The following MASP2 variants were observed in gnomAD, a reference collection of about 807,000 sequenced individuals.
MASP2 encodes the protein MBL associated serine protease 2.
Under a neutral mutation model 57.1 loss-of-function variants are expected in MASP2, and 49 were observed. The ratio of observed to expected loss-of-function variants is 0.86; its 90% CI spans 0.68 to 1.09. The LOEUF is 1.09. Ranked by LOEUF, MASP2 falls within the 50% of genes least tolerant of loss-of-function variation. The pLI, the probability that MASP2 is intolerant of heterozygous loss-of-function variation, is 0.00. For synonymous variants in MASP2, 379 were observed against 340.8 expected, an observed-to-expected ratio of 1.11 and a Z score of -1.24; for missense variants, 900 against 874.8, an observed-to-expected ratio of 1.03 and a Z score of -0.36.
chr1:11,039,132 CCT>C (rs1638336833), intron 6 of MASP2, among the ~76,000 whole-genome samples: 1 of 152,222 alleles, frequency 6.6e-6, no homozygotes, highest in African/African-American at 2.4e-5. Flanking sequence ...GCTCCTAGCC[CCT>C]GTCTGGTGAG....
intron 10 of MASP2, 62 bp downstream of exon 10, chr1:11,030,114 T>G: frequency 2.4e-6 from 3 of 1,225,858 alleles, no homozygotes. Flanking sequence ...CTCTCCTCAC[T>G]GTCTCCTACC....
chr1:11,035,388 A>C (rs1261128004), intron 7 of MASP2, among the ~76,000 whole-genome samples: 1 of 151,874 alleles, frequency 6.6e-6, no homozygotes, highest in African/African-American at 2.4e-5. Context: ...TTAGCCTGGC[A>C]TGGTGGCGTG....
rs1160479045 is a variant in MASP2, at chr1:11,028,662, A to AC, written c.1298-1015dup. 2.0e-5 allele frequency among the ~76,000 whole-genome samples: 3 copies of AC among 152,116 alleles called. No individual in the cohort carries two copies. In the East Asian group the frequency reaches 5.8e-4, roughly 29 times the overall value. ...TAAAAAAACTAATTTGAGCCAAATAACACAAGGGTAATTAATATATTACTA... is the reference window on the plus strand; with the variant it reads ...TAAAAAAACTAATTTGAGCCAAATAACCACAAGGGTAATTAATATATTACTA... On this transcript the variant is annotated intron_variant, in intron 10 of 10. Coordinates refer to ENST00000400897, the MANE Select transcript of MASP2 (RefSeq NM_006610.4).
intron 4 of MASP2, 99 bp downstream of exon 4, chr1:11,045,309 G>T (rs1219592150): frequency 6.4e-7 from 1 of 1,567,178 alleles, no homozygotes; most frequent in Non-Finnish European, 8.7e-7. Context: ...AGTGTCCAGG[G>T]CCCAGGCCCT....
At chr1:11,041,050 T>C (rs1293320277) in intron 6 of MASP2, among the ~76,000 whole-genome samples, 1 of 117,380 alleles carries the variant, frequency 8.5e-6, no homozygotes, top group East Asian at 2.7e-4. Flanking sequence ...TAGATGAATA[T>C]AAGGATGGGT....
chr1:11,035,991 G>T (rs1320569953), intron 7 of MASP2, among the ~76,000 whole-genome samples: 2 of 152,048 alleles, frequency 1.3e-5, no homozygotes, highest in African/African-American at 4.8e-5. Context: ...TATCTGTCTA[G>T]CTGGTGGCCA....
At chr1:11,031,465 C>G (rs544244399) in intron 8 of MASP2, among the ~76,000 whole-genome samples, 12 of 131,216 alleles carry the variant, frequency 9.1e-5, no homozygotes, top group African/African-American at 2.3e-4. Flanking sequence ...GGAGGCGGAG[C>G]TTGCAGAGAG....
At chr1:11,042,477 A>T (rs1227895691) in intron 6 of MASP2, among the ~76,000 whole-genome samples, 1 of 148,768 alleles carries the variant, frequency 6.7e-6, no homozygotes, top group Non-Finnish European at 1.5e-5. Context: ...AGGATGGCTG[A>T]ATAGAAGGAT....
At position 11,034,886 on chromosome 1, in the gene MASP2, G is replaced by A. The variant is rs758339774; in HGVS notation, c.1029C>T (p.Ser343=). 2.5e-6 allele frequency: 4 copies of A among 1,612,332 alleles called. No individual in the cohort carries two copies. The Admixed American group carries it at 5.0e-5, about 20-fold the overall frequency. The change falls in exon 8 of 11, where the codon TCC becomes TCT. Residue 343 remains serine, a synonymous_variant. Transcript: ENST00000400897. ...CATCTTTCTGACAAACTGCAGTAAA[G>A]GATTTCAGGGGCAAGTGACCCTAAA... ...ELLQGHLPLK[S]FTAVCQKDGS...
intron 1 of MASP2, 36 bp downstream of exon 1, chr1:11,047,167 C>T (rs1332991697): frequency 1.3e-6 from 2 of 1,556,502 alleles, no homozygotes; most frequent in African/African-American, 2.7e-5. Context: ...TGCTCCCACC[C>T]CACACCCTGC....
chr1:11,034,269 C>T (rs950892488), intron 8 of MASP2, among the ~76,000 whole-genome samples: 10 of 143,698 alleles, frequency 7.0e-5, no homozygotes, highest in Non-Finnish European at 1.2e-4. Flanking sequence ...AAAACCTTGT[C>T]AAAGAACATA....
In MASP2 at chr1:11,046,968, G is replaced by C. The variant is rs1245920492; in HGVS notation, c.157C>G (p.Pro53Ala). ...AAGTAGAGGCGCAGGCGGTAGCCGG[G>C]GGGTGCAGTCAGGGTCCAGCGCCGC... ...QERRWTLTAP[P>A]GYRLRLYFTH... Residue 53 changes from proline (P) to alanine (A), a missense_variant, in exon 2 of 11, where the codon CCC becomes GCC. Coordinates refer to ENST00000400897, the MANE Select transcript of MASP2 (RefSeq NM_006610.4). 1 of 1,563,094 alleles carries C rather than the reference G, an allele frequency of 6.4e-7. No individual in the cohort carries two copies. Among genetic ancestry groups the C allele is most frequent in the Non-Finnish European group, 8.7e-7 (1 of 1,153,394 alleles).
At chr1:11,035,982 A>G (rs1259433099) in intron 7 of MASP2, among the ~76,000 whole-genome samples, 4 of 151,172 alleles carry the variant, frequency 2.6e-5, no homozygotes, top group African/African-American at 9.7e-5. Context: ...GTGTCTGTGT[A>G]TCTGTCTAGC....
intron 10 of MASP2, among the ~76,000 whole-genome samples, chr1:11,028,778 A>G (rs1346669745): frequency 2.7e-5 from 4 of 146,988 alleles, no homozygotes; most frequent in East Asian, 3.9e-4. Flanking sequence ...CAGTGGTACA[A>G]TCTTGGCTCA....
chr1:11,032,633 T>G (rs987730092), intron 8 of MASP2, among the ~76,000 whole-genome samples: 2 of 125,458 alleles, frequency 1.6e-5, no homozygotes, highest in African/African-American at 3.1e-5. Context: ...AAGTGGCTGG[T>G]CACGGTGGCT....
intron 6 of MASP2, among the ~76,000 whole-genome samples, chr1:11,041,506 A>G (rs954420898): frequency 8.1e-5 from 11 of 135,608 alleles, no homozygotes; most frequent in Non-Finnish European, 1.6e-4. Flanking sequence ...GTGGATAGAT[A>G]GAAGGATGTG....
intron 6 of MASP2, among the ~76,000 whole-genome samples, chr1:11,041,411 G>GATGGATGA (rs1176442490): frequency 7.2e-6 from 1 of 139,286 alleles, no homozygotes; most frequent in Non-Finnish European, 1.6e-5. Context: ...TGAGTGGATG[G>GATGGATGA]ATGGATGGAT....
At position 11,043,009 on chromosome 1, in the gene MASP2, C is replaced by CT; in HGVS notation, c.754dup (p.Arg252LysfsTer17). 6.2e-7 allele frequency: 1 copy of CT among 1,613,906 alleles called. No homozygotes were observed. Among genetic ancestry groups the CT allele is most frequent in the African/African-American group, 1.3e-5 (1 of 75,036 alleles). ...CCCACAGAATGGGCCATGTTCTTCT[C>CT]TGTCTGTTTGAATCTGAGAAAGAAG... On this transcript the variant is annotated frameshift_variant, in exon 6 of 11. Coordinates refer to ENST00000400897, the MANE Select transcript of MASP2 (RefSeq NM_006610.4). LOFTEE classifies it high-confidence loss of function.
At chr1:11,030,354 G>A in intron 9 of MASP2, 104 bp from the exon 10 acceptor site, 1 of 756,934 alleles carries the variant, frequency 1.3e-6, no homozygotes, top group Non-Finnish European at 2.2e-6. Context: ...GCATCAGTGG[G>A]ACATAGAGGT....
Sources: gnomAD v4.1 joint callset for allele counts (sites outside exome capture counted in the v4.1 genomes callset) on GRCh38, gnomAD v4.1.1 for gene constraint, MANE v1.5 for transcripts, NCBI Gene and HGNC (gene_info 2026-07-23, HGNC 2026-07-21) for gene names.